Variants in TMED3 observed in about 807,000 individuals in gnomAD.
TMED3 encodes the protein transmembrane p24 trafficking protein 3.
TMED3 carries 9 observed loss-of-function variants against 15.0 expected under a neutral mutation model. The observed-to-expected ratio is 0.60, with a 90% CI of 0.36 to 1.04. The LOEUF (loss-of-function observed/expected upper bound fraction) is 1.04. Ranked by LOEUF, TMED3 falls within the 50% of genes least tolerant of loss-of-function variation. TMED3 has a pLI of 0.01. For missense variants in TMED3, 267 were observed against 278.9 expected, an observed-to-expected ratio of 0.96 and a Z score of 0.30; for synonymous variants, 117 against 121.4, an observed-to-expected ratio of 0.96 and a Z score of 0.24.
intron 2 of TMED3, among the ~76,000 whole-genome samples, chr15:79,351,871 T>C (rs1337272919): frequency 6.6e-6 from 1 of 152,168 alleles, no homozygotes; most frequent in African/African-American, 2.4e-5. Flanking sequence ...ACGTATATGA[T>C]GGAATTCTAC....
chr15:79,352,128 C>T (rs768108221), intron 2 of TMED3, among the ~76,000 whole-genome samples: 8 of 152,110 alleles, frequency 5.3e-5, no homozygotes, highest in South Asian at 4.2e-4. Flanking sequence ...GTACACTGCA[C>T]GGGTGATGGG....
chr15:79,385,179 C>T (rs1469877924), intron 2 of TMED3, among the ~76,000 whole-genome samples: 1 of 152,200 alleles, frequency 6.6e-6, no homozygotes, highest in Non-Finnish European at 1.5e-5. Context: ...CCACCAGGCC[C>T]TGGGGCTGAC....
At chr15:79,402,140 T>TC (rs1223437420) in intron 2 of TMED3, among the ~76,000 whole-genome samples, 2 of 152,202 alleles carry the variant, frequency 1.3e-5, no homozygotes, top group Non-Finnish European at 2.9e-5. Flanking sequence ...GAATACATTC[T>TC]GGAGGTGGTC....
downstream of TMED3, among the ~76,000 whole-genome samples, chr15:79,323,947 C>G (rs759406407): frequency 2.6e-5 from 4 of 152,176 alleles, no homozygotes; most frequent in Non-Finnish European, 5.9e-5. Flanking sequence ...ATGTTTTGAT[C>G]AATTAGGTAC....
At chr15:79,395,336 C>A (rs961437172) in intron 2 of TMED3, among the ~76,000 whole-genome samples, 8 of 152,126 alleles carry the variant, frequency 5.3e-5, no homozygotes, top group Admixed American at 4.6e-4. Context: ...CTCACCACCA[C>A]GCCTGGCTAA....
chr15:79,362,849 C>CT (rs1595900659), intron 2 of TMED3, among the ~76,000 whole-genome samples: 1 of 152,192 alleles, frequency 6.6e-6, no homozygotes, highest in African/African-American at 2.4e-5. Context: ...AATCTCTTTT[C>CT]TTTTTAAATT....
chr15:79,330,169 C>T (rs6495396), intron 2 of TMED3, among the ~76,000 whole-genome samples: 58,963 of 151,968 alleles, frequency 0.39, 11,727 homozygotes, highest in Middle Eastern at 0.48. Flanking sequence ...CACTCTTATT[C>T]AACATAGTAC....
intron 2 of TMED3, among the ~76,000 whole-genome samples, chr15:79,376,852 G>T (rs1161112720): frequency 6.6e-6 from 1 of 152,166 alleles, no homozygotes; most frequent in Admixed American, 6.5e-5. Flanking sequence ...GGTCAGTTTG[G>T]TAGTTTTTGC....
intron 2 of TMED3, among the ~76,000 whole-genome samples, chr15:79,343,869 T>C (rs2058859807): frequency 6.6e-6 from 1 of 152,140 alleles, no homozygotes; most frequent in Non-Finnish European, 1.5e-5. Context: ...GATGGAGTTT[T>C]GGTGGAGGCA....
downstream of TMED3, among the ~76,000 whole-genome samples, chr15:79,326,446 C>T (rs1208952983): frequency 6.6e-6 from 1 of 152,206 alleles, no homozygotes; most frequent in Non-Finnish European, 1.5e-5. Context: ...ACCACCTGTT[C>T]CATGTTCTCT....
intron 2 of TMED3, among the ~76,000 whole-genome samples, chr15:79,401,367 T>C (rs1468227348): frequency 1.3e-5 from 2 of 152,212 alleles, no homozygotes; most frequent in African/African-American, 4.8e-5. Flanking sequence ...GTATTTTCTT[T>C]ACAGGAGTGT....
At chr15:79,372,044 T>C (rs1263055117) in intron 2 of TMED3, among the ~76,000 whole-genome samples, 4 of 152,240 alleles carry the variant, frequency 2.6e-5, no homozygotes, top group African/African-American at 4.8e-5. Context: ...GCCTCCATGC[T>C]AGAATAAGCA....
chr15:79,351,197 A>T (rs1373420601), intron 2 of TMED3, among the ~76,000 whole-genome samples: 1 of 152,220 alleles, frequency 6.6e-6, no homozygotes, highest in East Asian at 1.9e-4. Flanking sequence ...AATGACTACT[A>T]ACTGGTCAGG....
chr15:79,369,199 T>G (rs1428703019), intron 2 of TMED3, among the ~76,000 whole-genome samples: 1 of 152,168 alleles, frequency 6.6e-6, no homozygotes, highest in Non-Finnish European at 1.5e-5. Context: ...GACAGAACTT[T>G]CTTTGAGAAT....
At chr15:79,376,083 T>C (rs1030418170) in intron 2 of TMED3, among the ~76,000 whole-genome samples, 17 of 144,836 alleles carry the variant, frequency 1.2e-4, no homozygotes, top group Admixed American at 9.6e-4. Flanking sequence ...TCATCTATTC[T>C]AGAGAAAGGT....
chr15:79,381,142 T>C (rs577772958), intron 2 of TMED3, among the ~76,000 whole-genome samples: 1 of 152,274 alleles, frequency 6.6e-6, no homozygotes, highest in Non-Finnish European at 1.5e-5. Context: ...TGCAAAATCT[T>C]AGCTTTTTAG....
chr15:79,370,765 C>T (rs187943697), intron 2 of TMED3, among the ~76,000 whole-genome samples: 1 of 152,140 alleles, frequency 6.6e-6, no homozygotes, highest in East Asian at 1.9e-4. Context: ...TCTGTGAGCT[C>T]TTAAATGGGA....
At chr15:79,358,834 G>C (rs1200167555) in intron 2 of TMED3, among the ~76,000 whole-genome samples, 1 of 152,198 alleles carries the variant, frequency 6.6e-6, no homozygotes, top group African/African-American at 2.4e-5. Context: ...AAAGTTTGCT[G>C]TGAACTTCTC....
Position 79,319,158 on chromosome 15 carries a change from A to G in TMED3, c.418-2820A>G, listed in dbSNP as rs147008409. ...GAGCTGGTGTACCCAGTCTAACTCTATCAGTTCCATCTGATACACAGTGAT... is the reference window on the plus strand; with the variant it reads ...GAGCTGGTGTACCCAGTCTAACTCTGTCAGTTCCATCTGATACACAGTGAT... On this transcript the variant is annotated intron_variant, in intron 2 of 2. Transcript: ENST00000299705. Among the ~76,000 whole-genome samples, 276 of 152,308 alleles carry G rather than the reference A, an allele frequency of 1.8e-3. 1 individual carries two copies. The highest frequency in any genetic ancestry group is 6.8e-3 in the Middle Eastern group (2 of 294).
Sources: gnomAD v4.1 joint callset for allele counts (sites outside exome capture counted in the v4.1 genomes callset) on GRCh38, gnomAD v4.1.1 for gene constraint, MANE v1.5 for transcripts, NCBI Gene and HGNC (gene_info 2026-07-23, HGNC 2026-07-21) for gene names.